MCU: variants seen among roughly 807,000 people sequenced by gnomAD.
MCU encodes the protein mitochondrial calcium uniporter, also known as calcium uniporter protein, mitochondrial.
Under a neutral mutation model 45.2 loss-of-function variants are expected in MCU, and 12 were observed. The observed-to-expected ratio is 0.27, with a 90% CI of 0.17 to 0.43. The LOEUF (loss-of-function observed/expected upper bound fraction) is 0.43, where lower values mean the gene tolerates loss of function less well. Among genes scored for constraint, MCU ranks in the 20% least tolerant of loss-of-function variants. The pLI is 1.00. For missense variants in MCU, 324 were observed against 436.7 expected (o/e 0.74, Z 2.30); for synonymous variants, 160 against 165.1 (o/e 0.97, Z 0.24).
intron 1 of MCU, among the ~76,000 whole-genome samples, chr10:72,718,618 C>T (rs1244089553): frequency 1.3e-5 from 2 of 152,192 alleles, no homozygotes; most frequent in African/African-American, 4.8e-5. Context: ...CCCTATGACT[C>T]AGGAGTTCCA....
intron 1 of MCU, among the ~76,000 whole-genome samples, chr10:72,818,492 T>C (rs958317618): frequency 6.6e-6 from 1 of 152,294 alleles, no homozygotes; most frequent in East Asian, 1.9e-4. Context: ...GATCAATTAG[T>C]GAATTGTTTA....
chr10:72,736,222 A>T (rs768475074), intron 1 of MCU, among the ~76,000 whole-genome samples: 2 of 152,118 alleles, frequency 1.3e-5, no homozygotes, highest in Admixed American at 1.3e-4. Flanking sequence ...GATTTGCTTC[A>T]TTAGCCTTTA....
chr10:72,873,621 T>C (rs1205483236), intron 6 of MCU, among the ~76,000 whole-genome samples: 1 of 146,136 alleles, frequency 6.8e-6, no homozygotes, highest in African/African-American at 2.4e-5. Flanking sequence ...TATAATCCCA[T>C]CTGTCTATTT....
intron 2 of MCU, among the ~76,000 whole-genome samples, chr10:72,847,573 C>A (rs574702119): frequency 3.3e-5 from 5 of 152,238 alleles, no homozygotes; most frequent in East Asian, 1.9e-4. Flanking sequence ...CACTGAGAGT[C>A]TTAGAACATA....
intron 1 of MCU, among the ~76,000 whole-genome samples, chr10:72,750,949 C>T (rs184041506): frequency 2.6e-4 from 40 of 152,284 alleles, no homozygotes; most frequent in Non-Finnish European, 4.4e-4. Context: ...CTTTGAGGTT[C>T]ATCCATGTTA....
chr10:72,859,896 A>G (rs995683746), intron 3 of MCU: 10 of 152,326 alleles, frequency 6.6e-5, no homozygotes, highest in African/African-American at 1.9e-4. Flanking sequence ...GGTAAGTACA[A>G]TAAATGCCCA....
chr10:72,852,956 A>G (rs1017245677), intron 2 of MCU, among the ~76,000 whole-genome samples: 2 of 152,232 alleles, frequency 1.3e-5, no homozygotes, highest in Non-Finnish European at 2.9e-5. Context: ...CAGAAGAACC[A>G]TATCTTAGAA....
intron 1 of MCU, among the ~76,000 whole-genome samples, chr10:72,823,012 A>C (rs1844737906): frequency 6.6e-6 from 1 of 152,188 alleles, no homozygotes; most frequent in Non-Finnish European, 1.5e-5. Context: ...CTACTCCTAG[A>C]TAGCTATCCA....
Position 72,859,195 on chromosome 10 carries a change from A to C in MCU, c.239A>C (p.Gln80Pro). 1 of 1,599,252 alleles carries C rather than the reference A, an allele frequency of 6.3e-7. No individual in the cohort carries two copies. The highest frequency in any genetic ancestry group is 8.5e-7 in the Non-Finnish European group (1 of 1,173,704). ...CATTCAGATGTTACAGTGGTTTATC[A>C]AAATGGGTTACCTGTGATATCTGTG... ...VPSDDVTVVY[Q>P]NGLPVISVRL... The change falls in exon 3 of 8, where the codon CAA becomes CCA. Residue 80 changes from glutamine to proline, a missense_variant. Coordinates refer to ENST00000373053, the MANE Select transcript of MCU (RefSeq NM_138357.3).
intron 1 of MCU, among the ~76,000 whole-genome samples, chr10:72,800,987 G>C (rs1844330511): frequency 6.6e-6 from 1 of 151,660 alleles, no homozygotes; most frequent in Admixed American, 6.6e-5. Context: ...GTAGTCCTAG[G>C]TACTTGAGAG....
chr10:72,872,167 T>G (rs1482228947), intron 6 of MCU, among the ~76,000 whole-genome samples: 1 of 152,206 alleles, frequency 6.6e-6, no homozygotes, highest in Admixed American at 6.5e-5. Flanking sequence ...GTACATATTT[T>G]GAGGGTGTCT....
intron 1 of MCU, among the ~76,000 whole-genome samples, chr10:72,794,165 A>C (rs764869949): frequency 6.6e-6 from 1 of 152,154 alleles, no homozygotes; most frequent in Non-Finnish European, 1.5e-5. Flanking sequence ...CCTTGGTCGC[A>C]GTTACTTTCA....
At chr10:72,772,080 GAC>G (rs1843818171) in intron 1 of MCU, among the ~76,000 whole-genome samples, 3 of 152,256 alleles carry the variant, frequency 2.0e-5, no homozygotes, top group Admixed American at 2.0e-4. Flanking sequence ...GAAGCACAGT[GAC>G]TGCCTGAAGG....
intron 1 of MCU, among the ~76,000 whole-genome samples, chr10:72,760,148 G>C (rs1250919249): frequency 6.6e-6 from 1 of 151,786 alleles, no homozygotes; most frequent in Non-Finnish European, 1.5e-5. Flanking sequence ...GTATTCAAGT[G>C]ATCTTCCTAC....
At chr10:72,873,533 T>C (rs1358975225) in intron 6 of MCU, among the ~76,000 whole-genome samples, 3 of 152,188 alleles carry the variant, frequency 2.0e-5, no homozygotes, top group Admixed American at 6.5e-5. Flanking sequence ...CTTTTGCAAA[T>C]GTTTTCTCCC....
intron 1 of MCU, among the ~76,000 whole-genome samples, chr10:72,732,632 A>G (rs754792318): frequency 4.1e-4 from 62 of 152,234 alleles, no homozygotes; most frequent in Non-Finnish European, 7.9e-4. Context: ...GTGTCAAACA[A>G]CTGCCCTTGG....
At chr10:72,770,862 T>C (rs1843796122) in intron 1 of MCU, among the ~76,000 whole-genome samples, 1 of 152,196 alleles carries the variant, frequency 6.6e-6, no homozygotes, top group Non-Finnish European at 1.5e-5. Flanking sequence ...GCATTTGTAC[T>C]GTCTTTTATA....
intron 1 of MCU, among the ~76,000 whole-genome samples, chr10:72,726,945 A>G (rs1419334791): frequency 6.6e-6 from 1 of 152,226 alleles, no homozygotes; most frequent in Non-Finnish European, 1.5e-5. Flanking sequence ...AAATAAAACA[A>G]AAGTCTTTCA....
At chr10:72,788,791 C>G (rs901293128) in intron 1 of MCU, among the ~76,000 whole-genome samples, 3 of 152,206 alleles carry the variant, frequency 2.0e-5, no homozygotes, top group Admixed American at 6.5e-5. Flanking sequence ...CACCTAGTAG[C>G]AATTATGTAT....
Sources: gnomAD v4.1 joint callset for allele counts (sites outside exome capture counted in the v4.1 genomes callset) on GRCh38, gnomAD v4.1.1 for gene constraint, MANE v1.5 for transcripts, NCBI Gene and HGNC (gene_info 2026-07-23, HGNC 2026-07-21) for gene names.